CSMD1: variants seen among roughly 807,000 people sequenced by gnomAD.
The protein encoded by CSMD1 is CUB and Sushi multiple domains 1.
In CSMD1, 213 loss-of-function variants were observed where a neutral mutation model predicts 417.5. The ratio of observed to expected loss-of-function variants is 0.51; its 90% CI spans 0.46 to 0.57. The LOEUF is 0.57. Among genes scored for constraint, CSMD1 ranks in the 20% least tolerant of loss-of-function variants. CSMD1 has a pLI of 0.00. For synonymous variants in CSMD1, 2,862 were observed against 1,736.8 expected (o/e 1.65, Z -16.11); for missense variants, 6,923 against 4,529.7 (o/e 1.53, Z -15.17).
At position 4,564,543 on chromosome 8, in the gene CSMD1, C is replaced by A. The variant is rs185703702; in HGVS notation, c.302+72799G>T. Among the ~76,000 whole-genome samples, 81 of 152,226 alleles carry A rather than the reference C, an allele frequency of 5.3e-4. 1 individual carries two copies. The highest frequency in any genetic ancestry group is 6.6e-4 in the Non-Finnish European group (45 of 68,022). On this transcript the variant is annotated intron_variant, in intron 2 of 69. Coordinates refer to ENST00000635120, the MANE Select transcript of CSMD1 (RefSeq NM_033225.6). Reference sequence around the variant, plus strand: ...TGTGACTCGATGTTCGAAACAGAAGCATTCCAAATTTTATAAGCATAAATA... The same window carrying A: ...TGTGACTCGATGTTCGAAACAGAAGAATTCCAAATTTTATAAGCATAAATA...
chr8:4,826,545 A>G (rs550602214), intron 1 of CSMD1, among the ~76,000 whole-genome samples: 1 of 152,242 alleles, frequency 6.6e-6, no homozygotes, highest in Non-Finnish European at 1.5e-5. Flanking sequence ...ACGTGTCTAT[A>G]ATGCGTAGTG....
At chr8:3,954,620 C>A (rs892127407) in intron 5 of CSMD1, among the ~76,000 whole-genome samples, 1 of 152,234 alleles carries the variant, frequency 6.6e-6, no homozygotes, top group East Asian at 1.9e-4. Flanking sequence ...CCTTGGCCTC[C>A]CAAAGTTTTG....
At chr8:3,532,701 A>C (rs930361643) in intron 10 of CSMD1, among the ~76,000 whole-genome samples, 8 of 150,088 alleles carry the variant, frequency 5.3e-5, no homozygotes, top group Admixed American at 2.6e-4. Context: ...CCTTATTCCA[A>C]ACAATTTGCT....
chr8:4,146,930 G>A (rs980985047), intron 3 of CSMD1, among the ~76,000 whole-genome samples: 1 of 151,914 alleles, frequency 6.6e-6, no homozygotes, highest in Non-Finnish European at 1.5e-5. Context: ...TGAACTTTAA[G>A]GAAGTCAACT....
chr8:4,388,067 G>A (rs1372739934), intron 3 of CSMD1, among the ~76,000 whole-genome samples: 1 of 152,016 alleles, frequency 6.6e-6, no homozygotes, highest in Non-Finnish European at 1.5e-5. Flanking sequence ...CACCTCATTT[G>A]GACTAATGTC....
intron 3 of CSMD1, among the ~76,000 whole-genome samples, chr8:4,126,868 G>T (rs1020622377): frequency 1.3e-5 from 2 of 152,068 alleles, no homozygotes; most frequent in African/African-American, 4.8e-5. Flanking sequence ...TCAGTCCCAG[G>T]ACCACAGCAT....
chr8:4,344,315 G>C (rs551019817), intron 3 of CSMD1, among the ~76,000 whole-genome samples: 51 of 152,096 alleles, frequency 3.4e-4, no homozygotes, highest in African/African-American at 1.1e-3. Flanking sequence ...CATTTCAGAC[G>C]TGGCCTTCAA....
intron 57 of CSMD1, among the ~76,000 whole-genome samples, chr8:2,968,581 T>C (rs540163365): frequency 6.6e-6 from 1 of 152,338 alleles, no homozygotes; most frequent in East Asian, 1.9e-4. Context: ...TGATTAGTTT[T>C]TTTCTCTTTT....
intron 2 of CSMD1, among the ~76,000 whole-genome samples, chr8:4,428,758 C>T (rs1411143257): frequency 3.3e-5 from 5 of 152,062 alleles, no homozygotes; most frequent in East Asian, 1.9e-4. Flanking sequence ...CTAGCTTTGT[C>T]GCCCAGGCTG....
intron 5 of CSMD1, among the ~76,000 whole-genome samples, chr8:3,892,316 G>C (rs1203656481): frequency 6.6e-6 from 1 of 152,052 alleles, no homozygotes; most frequent in Non-Finnish European, 1.5e-5. Context: ...TGCTGAAAAG[G>C]GAAACTGTCT....
At chr8:4,036,157 T>G (rs1306786195) in intron 3 of CSMD1, among the ~76,000 whole-genome samples, 1 of 152,246 alleles carries the variant, frequency 6.6e-6, no homozygotes, top group South Asian at 2.1e-4. Flanking sequence ...CCGCAAAACT[T>G]GGGTTTGTGT....
chr8:4,370,419 G>A (rs1284688916), intron 3 of CSMD1, among the ~76,000 whole-genome samples: 1 of 152,074 alleles, frequency 6.6e-6, no homozygotes, highest in Non-Finnish European at 1.5e-5. Context: ...TATTGTCTTG[G>A]AAAGGGTCAT....
chr8:3,791,983 T>C (rs759007248), intron 5 of CSMD1, among the ~76,000 whole-genome samples: 6 of 150,936 alleles, frequency 4.0e-5, no homozygotes, highest in Non-Finnish European at 8.9e-5. Context: ...TTCCTTGTTC[T>C]TTTCTGATTT....
intron 5 of CSMD1, among the ~76,000 whole-genome samples, chr8:3,874,747 C>A (rs867809494): frequency 1.3e-5 from 2 of 152,078 alleles, no homozygotes; most frequent in African/African-American, 4.8e-5. Flanking sequence ...GAGGTGAGAA[C>A]ATACCATGTC....
chr8:4,406,191 C>G (rs1045749220), intron 3 of CSMD1, among the ~76,000 whole-genome samples: 1 of 152,200 alleles, frequency 6.6e-6, no homozygotes. Flanking sequence ...GATTTTTCCA[C>G]TGGCACCGCA....
At chr8:4,412,517 C>G (rs1298138904) in intron 3 of CSMD1, among the ~76,000 whole-genome samples, 1 of 152,132 alleles carries the variant, frequency 6.6e-6, no homozygotes, top group Non-Finnish European at 1.5e-5. Flanking sequence ...CCAATTACAC[C>G]TATTTTATCG....
At chr8:4,377,098 C>A (rs981741321) in intron 3 of CSMD1, among the ~76,000 whole-genome samples, 1 of 152,182 alleles carries the variant, frequency 6.6e-6, no homozygotes, top group Non-Finnish European at 1.5e-5. Flanking sequence ...ATTCCTCTTT[C>A]TTCTAAATTT....
At chr8:4,246,804 A>C (rs1026028782) in intron 3 of CSMD1, among the ~76,000 whole-genome samples, 1 of 152,226 alleles carries the variant, frequency 6.6e-6, no homozygotes, top group East Asian at 1.9e-4. Context: ...GAAATGTAGT[A>C]TAGGACATTT....
intron 1 of CSMD1, among the ~76,000 whole-genome samples, chr8:4,710,981 C>T (rs935399412): frequency 1.3e-5 from 2 of 151,962 alleles, no homozygotes; most frequent in African/African-American, 4.8e-5. Flanking sequence ...TGGATGTGTA[C>T]TTGAGTGACA....
Sources: gnomAD v4.1 joint callset for allele counts (sites outside exome capture counted in the v4.1 genomes callset) on GRCh38, gnomAD v4.1.1 for gene constraint, MANE v1.5 for transcripts, NCBI Gene and HGNC (gene_info 2026-07-23, HGNC 2026-07-21) for gene names.